The following KANSL1L variants were observed in gnomAD, a reference collection of about 807,000 sequenced individuals.
KANSL1L encodes KAT8 regulatory NSL complex subunit 1 like, also known as KAT8 regulatory NSL complex subunit 1-like protein.
In KANSL1L, 25 loss-of-function variants were observed where a neutral mutation model predicts 108.6. The ratio of observed to expected loss-of-function variants is 0.23; its 90% CI spans 0.17 to 0.32. The LOEUF is 0.32. Ranked by LOEUF, KANSL1L falls within the 10% of genes least tolerant of loss-of-function variation. The pLI is 1.00. For synonymous variants in KANSL1L, 405 were observed against 395.1 expected (o/e 1.03, Z -0.30); for missense variants, 1,137 against 1,125.7 (o/e 1.01, Z -0.14).
chr2:210,060,698 T>C, intron 6 of KANSL1L, among the ~76,000 whole-genome samples: 1 of 152,198 alleles, frequency 6.6e-6, no homozygotes, highest in East Asian at 1.9e-4. Flanking sequence ...CCAGTTATAT[T>C]TGTATGGAAA....
chr2:210,161,682 T>C (rs2095362231), intron 1 of KANSL1L, among the ~76,000 whole-genome samples: 1 of 152,206 alleles, frequency 6.6e-6, no homozygotes, highest in South Asian at 2.1e-4. Context: ...CAAGAGTTCG[T>C]AGAAATTAGA....
upstream of KANSL1L, chr2:210,171,922 T>G (rs1688363789): frequency 6.6e-6 from 1 of 151,852 alleles, no homozygotes. Flanking sequence ...CGCTCATAAT[T>G]CTTTCTGACC....
chr2:210,100,877 A>T (rs2094787315), intron 4 of KANSL1L, among the ~76,000 whole-genome samples: 1 of 152,154 alleles, frequency 6.6e-6, no homozygotes, highest in African/African-American at 2.4e-5. Flanking sequence ...GGCTCAAGCA[A>T]TCTGCCCACC....
chr2:210,114,116 C>T (rs959085303), intron 3 of KANSL1L, among the ~76,000 whole-genome samples: 6 of 151,996 alleles, frequency 3.9e-5, no homozygotes, highest in African/African-American at 1.4e-4. Flanking sequence ...CCAAAGAGTA[C>T]TACAAAGAAA....
chr2:210,039,673 G>C (rs1170305624), intron 8 of KANSL1L, among the ~76,000 whole-genome samples: 4 of 151,614 alleles, frequency 2.6e-5, no homozygotes, highest in Admixed American at 1.3e-4. Context: ...CACATTTACA[G>C]AACTCATAAA....
chr2:210,103,598 A>G (rs1159439002), intron 4 of KANSL1L, among the ~76,000 whole-genome samples: 1 of 152,224 alleles, frequency 6.6e-6, no homozygotes, highest in African/African-American at 2.4e-5. Flanking sequence ...TTGTGGAGTT[A>G]TCCACAATAG....
intron 6 of KANSL1L, among the ~76,000 whole-genome samples, chr2:210,065,015 C>T (rs1288364269): frequency 6.6e-6 from 1 of 151,682 alleles, no homozygotes; most frequent in Non-Finnish European, 1.5e-5. Flanking sequence ...TAAAAAGAAG[C>T]TGTTAGGCCA....
At chr2:210,076,926 A>G (rs542369546) in intron 5 of KANSL1L, among the ~76,000 whole-genome samples, 110 of 152,236 alleles carry the variant, frequency 7.2e-4, no homozygotes, top group African/African-American at 2.5e-3. Flanking sequence ...TGTTCAATAT[A>G]TAAGTTCTAA....
intron 3 of KANSL1L, among the ~76,000 whole-genome samples, chr2:210,122,150 C>T (rs1575574169): frequency 6.6e-6 from 1 of 152,124 alleles, no homozygotes; most frequent in Non-Finnish European, 1.5e-5. Context: ...ATCAAAGTAC[C>T]ACTGACATTC....
intron 5 of KANSL1L, chr2:210,080,158 C>CGT (rs2094578598): frequency 1.3e-5 from 2 of 151,874 alleles, no homozygotes; most frequent in Non-Finnish European, 2.9e-5. Flanking sequence ...CACACACACA[C>CGT]ACACACACAC....
At chr2:210,093,771 T>C (rs914383936) in intron 5 of KANSL1L, among the ~76,000 whole-genome samples, 1 of 152,162 alleles carries the variant, frequency 6.6e-6, no homozygotes, top group Non-Finnish European at 1.5e-5. Flanking sequence ...CAAACAGATA[T>C]TTGTTCATCC....
intron 2 of KANSL1L, among the ~76,000 whole-genome samples, chr2:210,144,188 G>C (rs559218275): frequency 6.6e-6 from 1 of 152,206 alleles, no homozygotes; most frequent in South Asian, 2.1e-4. Context: ...TTAGAAATGT[G>C]CAGATAACTT....
intron 13 of KANSL1L, 54 bp downstream of exon 13, chr2:210,025,050 T>C (rs990210970): frequency 4.2e-5 from 47 of 1,119,414 alleles, no homozygotes; most frequent in Admixed American, 1.2e-4. Flanking sequence ...CATGCAGAGG[T>C]TTTGTTCATT....
chr2:210,145,702 T>A (rs1386880067), intron 2 of KANSL1L, among the ~76,000 whole-genome samples: 1 of 152,164 alleles, frequency 6.6e-6, no homozygotes, highest in East Asian at 1.9e-4. Flanking sequence ...ATGTCAGATG[T>A]CAGATGTCTG....
At chr2:210,171,785 C>G (rs1330968386), upstream of KANSL1L, 1 of 152,106 alleles carries the variant, frequency 6.6e-6, no homozygotes, top group Non-Finnish European at 1.5e-5. Context: ...GCGCCGGGGC[C>G]TCGACTACTG....
chr2:210,166,110 A>G (rs548796225), intron 1 of KANSL1L, among the ~76,000 whole-genome samples: 8 of 152,270 alleles, frequency 5.3e-5, no homozygotes, highest in South Asian at 2.1e-4. Context: ...ATAAAGATGG[A>G]CTACTGTACT....
intron 3 of KANSL1L, among the ~76,000 whole-genome samples, chr2:210,109,572 C>T (rs143395851): frequency 5.9e-5 from 9 of 152,212 alleles, no homozygotes; most frequent in African/African-American, 2.2e-4. Flanking sequence ...TCACAATGAA[C>T]ATTCCCACTT....
chr2:210,153,072 G>GT (rs2095313505), intron 2 of KANSL1L: 1 of 155,182 alleles, frequency 6.4e-6, no homozygotes, highest in Non-Finnish European at 1.4e-5. Flanking sequence ...AAAGATTATG[G>GT]TGGCTGGATG....
chr2:210,112,069 T>G (rs537305099), intron 3 of KANSL1L, among the ~76,000 whole-genome samples: 48 of 152,306 alleles, frequency 3.2e-4, no homozygotes, highest in African/African-American at 1.0e-3. Context: ...GAACTCATCA[T>G]TTTTTATGGC....
Sources: allele counts gnomAD v4.1 joint callset (sites outside exome capture counted in the v4.1 genomes callset), GRCh38; gene constraint gnomAD v4.1.1; transcripts MANE v1.5; gene names NCBI Gene and HGNC (gene_info 2026-07-23, HGNC 2026-07-21).